The following MTMR3 variants were observed in gnomAD, a reference collection of about 807,000 sequenced individuals.
MTMR3 encodes the protein myotubularin related protein 3.
Under a neutral mutation model 132.4 loss-of-function variants are expected in MTMR3, and 32 were observed. The ratio of observed to expected loss-of-function variants is 0.24; its 90% CI spans 0.18 to 0.32. MTMR3 has a LOEUF of 0.32. Among genes scored for constraint, MTMR3 ranks in the 10% least tolerant of loss-of-function variants. MTMR3 has a pLI of 1.00. For synonymous variants in MTMR3, 556 were observed against 550.3 expected (o/e 1.01, Z -0.14); for missense variants, 1,216 against 1,489.6 (o/e 0.82, Z 3.02).
intron 1 of MTMR3, among the ~76,000 whole-genome samples, chr22:29,893,895 G>C (rs540537270): frequency 6.6e-6 from 1 of 152,004 alleles, no homozygotes; most frequent in East Asian, 1.9e-4. Flanking sequence ...ACCCAGGCTG[G>C]AGTGCAGTGG....
chr22:29,946,965 T>G (rs993254390), intron 1 of MTMR3, among the ~76,000 whole-genome samples: 2 of 152,056 alleles, frequency 1.3e-5, no homozygotes, highest in Non-Finnish European at 2.9e-5. Context: ...ATTGAAAAAA[T>G]AACTATATGC....
chr22:30,012,638 T>G, intron 13 of MTMR3, 75 bp downstream of exon 13: 2 of 1,412,552 alleles, frequency 1.4e-6, no homozygotes, highest in South Asian at 1.5e-5. Context: ...ATACCAGTTT[T>G]GGGAGTGGTG....
At chr22:29,906,649 A>G (rs1344378565) in intron 1 of MTMR3, among the ~76,000 whole-genome samples, 1 of 151,972 alleles carries the variant, frequency 6.6e-6, no homozygotes, top group Non-Finnish European at 1.5e-5. Context: ...CTCACTTTTT[A>G]TACCCCGAAA....
chr22:30,026,006 T>A lies in MTMR3; in HGVS notation c.*205T>A. On this transcript the variant is annotated 3_prime_UTR_variant, in exon 20 of 20. Transcript: ENST00000401950. Reference sequence around the variant, plus strand: ...TCCCTCCCTACCTTTTCCATCCTCCTCCTCTGCCTTCAAAAAAGGAAACTT... The same window carrying A: ...TCCCTCCCTACCTTTTCCATCCTCCACCTCTGCCTTCAAAAAAGGAAACTT... 2.1e-6 allele frequency: 1 copy of A among 466,132 alleles called. No homozygotes were observed. Among genetic ancestry groups the A allele is most frequent in the Non-Finnish European group, 3.7e-6 (1 of 267,146 alleles). The allele number at this position is 466,132 out of a possible 1,614,324, so 28.9% of individuals were successfully genotyped here.
chr22:30,018,816 C>T (rs2067668206), intron 16 of MTMR3: 1 of 151,950 alleles, frequency 6.6e-6, no homozygotes, highest in Admixed American at 6.6e-5. Flanking sequence ...ATAGATAATA[C>T]ATTAATTTAA....
chr22:30,018,289 T>C, intron 16 of MTMR3: 2 of 518,210 alleles, frequency 3.9e-6, no homozygotes, highest in South Asian at 6.5e-5. Flanking sequence ...TGCTTCATGT[T>C]GTTTTGCATA....
At chr22:29,954,864 C>T (rs557804198) in intron 1 of MTMR3, among the ~76,000 whole-genome samples, 33 of 152,282 alleles carry the variant, frequency 2.2e-4, no homozygotes, top group African/African-American at 7.9e-4. Context: ...AGCTCGATAA[C>T]TTCATTGGGA....
chr22:30,024,902 G>A (rs1284300545), intron 19 of MTMR3: 1 of 152,926 alleles, frequency 6.5e-6, no homozygotes, highest in Non-Finnish European at 1.5e-5. Context: ...TGGGGCCTGA[G>A]TGCATTCTGG....
intron 1 of MTMR3, among the ~76,000 whole-genome samples, chr22:29,931,339 C>T (rs572695161): frequency 6.6e-6 from 1 of 152,300 alleles, no homozygotes; most frequent in South Asian, 2.1e-4. Context: ...TTGTTCTGTA[C>T]ATACATATAT....
At chr22:30,016,918 T>C (rs1847037100) in intron 15 of MTMR3, 2 of 538,550 alleles carry the variant, frequency 3.7e-6, no homozygotes, top group South Asian at 5.2e-5. Context: ...GTGGTTTGGT[T>C]TAACACAGAT....
chr22:29,949,204 C>T (rs952701771), intron 1 of MTMR3, among the ~76,000 whole-genome samples: 4 of 145,694 alleles, frequency 2.7e-5, no homozygotes, highest in South Asian at 2.2e-4. Context: ...CGCGTGCACG[C>T]GCGCCAGGCG....
intron 19 of MTMR3, chr22:30,023,805 GATTC>G (rs1414524187): frequency 2.9e-6 from 1 of 346,822 alleles, no homozygotes; most frequent in Non-Finnish European, 5.4e-6. Flanking sequence ...TTGGGTCAGT[GATTC>G]ATTGAGATGC....
At chr22:29,915,623 T>C (rs2065294059) in intron 1 of MTMR3, among the ~76,000 whole-genome samples, 1 of 152,058 alleles carries the variant, frequency 6.6e-6, no homozygotes, top group Non-Finnish European at 1.5e-5. Context: ...TATTTACCCC[T>C]GTGTTGGCAA....
At chr22:29,951,410 A>C (rs1456191390) in intron 1 of MTMR3, among the ~76,000 whole-genome samples, 1 of 152,258 alleles carries the variant, frequency 6.6e-6, no homozygotes, top group East Asian at 1.9e-4. Context: ...GGTAACAATG[A>C]AATTTGTTAA....
chr22:29,975,967 GTATTA>G (rs1277520878), intron 3 of MTMR3, among the ~76,000 whole-genome samples: 1 of 152,102 alleles, frequency 6.6e-6, no homozygotes, highest in Non-Finnish European at 1.5e-5. Context: ...TGAACTTTTT[GTATTA>G]TATTACATTA....
intron 1 of MTMR3, among the ~76,000 whole-genome samples, chr22:29,939,949 C>T (rs2065824027): frequency 6.6e-6 from 1 of 152,196 alleles, no homozygotes; most frequent in South Asian, 2.1e-4. Flanking sequence ...TACACCCTCC[C>T]CGCCCTTGCG....
At chr22:29,989,059 A>G (rs1228636487) in intron 6 of MTMR3, 1 of 152,492 alleles carries the variant, frequency 6.6e-6, no homozygotes, top group African/African-American at 2.4e-5. Context: ...CATCCAGTCT[A>G]CTATACATGT....
In MTMR3 at chr22:30,028,559, A is replaced by T. The variant is rs2067954882; in HGVS notation, c.*2758A>T. On this transcript the variant is annotated 3_prime_UTR_variant, in exon 20 of 20. Transcript: ENST00000401950. ...CATGGGTCTGTGGGTGAGATATGTT[A>T]TGCTGTTCCTCCCTCGGGAAGGTTG... 6.6e-6 allele frequency: 1 copy of T among 152,264 alleles called. No homozygotes were observed. Among genetic ancestry groups the T allele is most frequent in the Admixed American group, 6.5e-5 (1 of 15,274 alleles). The allele number at this position is 152,264 out of a possible 1,614,324, so 9.4% of individuals were successfully genotyped here.
At chr22:29,943,544 A>G (rs1171905768) in intron 1 of MTMR3, among the ~76,000 whole-genome samples, 4 of 152,066 alleles carry the variant, frequency 2.6e-5, no homozygotes, top group African/African-American at 9.7e-5. Context: ...ATATAAGTTT[A>G]TAAGTTCATA....
Sources: allele counts gnomAD v4.1 joint callset (sites outside exome capture counted in the v4.1 genomes callset), GRCh38; gene constraint gnomAD v4.1.1; transcripts MANE v1.5; gene names NCBI Gene and HGNC (gene_info 2026-07-23, HGNC 2026-07-21).